The following ATP2B2 variants were observed in gnomAD, a reference collection of about 807,000 sequenced individuals.
ATP2B2 encodes plasma membrane calcium-transporting ATPase 2.
In ATP2B2, 15 loss-of-function variants were observed where a neutral mutation model predicts 120.0. The observed-to-expected ratio is 0.12, with a 90% CI of 0.08 to 0.19. ATP2B2 has a LOEUF of 0.19. Among genes scored for constraint, ATP2B2 ranks in the 10% least tolerant of loss-of-function variants. ATP2B2 has a pLI of 1.00. For missense variants in ATP2B2, 1,045 were observed against 1,719.8 expected, an observed-to-expected ratio of 0.61 and a Z score of 6.94; for synonymous variants, 694 against 700.3, an observed-to-expected ratio of 0.99 and a Z score of 0.14.
chr3:10,351,068 G>C (rs2060565785), intron 14 of ATP2B2, among the ~76,000 whole-genome samples: 2 of 152,220 alleles, frequency 1.3e-5, no homozygotes, highest in Non-Finnish European at 2.9e-5. Context: ...TTTACTTACA[G>C]AATGTGACAC....
chr3:10,532,104 T>A (rs995999091), intron 3 of ATP2B2, among the ~76,000 whole-genome samples: 1 of 151,610 alleles, frequency 6.6e-6, no homozygotes, highest in Non-Finnish European at 1.5e-5. Flanking sequence ...ATCGGACCAC[T>A]GGAAACCCCC....
chr3:10,504,528 G>A (rs1046586866), intron 1 of ATP2B2, among the ~76,000 whole-genome samples: 11 of 151,694 alleles, frequency 7.3e-5, no homozygotes, highest in Admixed American at 2.6e-4. Flanking sequence ...GACCCCCAGG[G>A]CCCTTGCCTG....
upstream of ATP2B2, among the ~76,000 whole-genome samples, chr3:10,508,392 T>G (rs2066690558): frequency 1.3e-5 from 2 of 152,170 alleles, no homozygotes; most frequent in African/African-American, 4.8e-5. Flanking sequence ...TGTATTGTGA[T>G]GGTCTACACG....
intron 1 of ATP2B2, among the ~76,000 whole-genome samples, chr3:10,462,927 T>TAAC (rs2064559151): frequency 1.3e-5 from 2 of 152,176 alleles, no homozygotes; most frequent in Non-Finnish European, 2.9e-5. Flanking sequence ...ACACCCAGTG[T>TAAC]TGGGTCCCAC....
chr3:10,361,296 G>A (rs1055618537), intron 12 of ATP2B2, among the ~76,000 whole-genome samples: 5 of 152,210 alleles, frequency 3.3e-5, no homozygotes, highest in Non-Finnish European at 5.9e-5. Context: ...GGGATTACAG[G>A]TGTAAGCCAC....
chr3:10,551,473 C>T (rs897399979), intron 2 of ATP2B2, among the ~76,000 whole-genome samples: 1 of 152,214 alleles, frequency 6.6e-6, no homozygotes, highest in Admixed American at 6.5e-5. Flanking sequence ...TGATGCAGTT[C>T]CTTCCTCTGT....
chr3:10,550,653 C>A (rs940152370), intron 2 of ATP2B2, among the ~76,000 whole-genome samples: 1 of 152,156 alleles, frequency 6.6e-6, no homozygotes, highest in Non-Finnish European at 1.5e-5. Flanking sequence ...TTCACGGGAA[C>A]CCTGTCAAGT....
chr3:10,648,445 C>T (rs36096514), intron 1 of ATP2B2, among the ~76,000 whole-genome samples: 46,668 of 152,182 alleles, frequency 0.31, 10,695 homozygotes, highest in African/African-American at 0.64. Flanking sequence ...CTAGGCTTCC[C>T]GCTGTTCCCT....
At chr3:10,600,125 G>A (rs1246388825) in intron 2 of ATP2B2, among the ~76,000 whole-genome samples, 1 of 152,126 alleles carries the variant, frequency 6.6e-6, no homozygotes, top group Non-Finnish European at 1.5e-5. Flanking sequence ...GGGGCCATGG[G>A]GGCCACACCC....
intron 1 of ATP2B2, among the ~76,000 whole-genome samples, chr3:10,657,172 C>T (rs1309284659): frequency 6.6e-6 from 1 of 152,212 alleles, no homozygotes; most frequent in East Asian, 1.9e-4. Context: ...CAGGTGGAAG[C>T]AGGGAAGCAG....
chr3:10,425,922 C>T (rs1054438093), intron 2 of ATP2B2, among the ~76,000 whole-genome samples: 2 of 152,174 alleles, frequency 1.3e-5, no homozygotes, highest in Non-Finnish European at 1.5e-5. Flanking sequence ...TCAGAATGCT[C>T]GAGTGGCTCC....
intron 1 of ATP2B2, among the ~76,000 whole-genome samples, chr3:10,467,363 G>A (rs1459057272): frequency 2.0e-5 from 3 of 152,140 alleles, no homozygotes; most frequent in African/African-American, 7.2e-5. Flanking sequence ...ATTCACCCTT[G>A]AGAGCCCCGC....
At chr3:10,487,082 C>T (rs2065710322) in intron 1 of ATP2B2, among the ~76,000 whole-genome samples, 1 of 152,136 alleles carries the variant, frequency 6.6e-6, no homozygotes, top group African/African-American at 2.4e-5. Flanking sequence ...TCTTGTTTAC[C>T]ACTATGTACC....
At position 10,668,884 on chromosome 3, in the gene ATP2B2, C is replaced by T. The variant is rs6773443; in HGVS notation, c.-460+39031G>A. On this transcript the variant is annotated intron_variant, in intron 1 of 21. Transcript: ENST00000646379. ...CATACAGTAGGCAGCACACAGTAGG[C>T]GCTCAGTGGATCATGCACAATCGTG... Among the ~76,000 whole-genome samples the T allele has an allele frequency of 8.2e-3, 1,247 of 152,296 alleles. 19 individuals carry two copies. The highest frequency in any genetic ancestry group is 0.027 in the African/African-American group (1,124 of 41,574).
At chr3:10,421,456 C>T (rs2062977829) in intron 2 of ATP2B2, among the ~76,000 whole-genome samples, 1 of 152,168 alleles carries the variant, frequency 6.6e-6, no homozygotes, top group South Asian at 2.1e-4. Context: ...AGACTTGAGT[C>T]CCCAGGTACA....
chr3:10,452,462 C>A (rs6784688), intron 1 of ATP2B2, among the ~76,000 whole-genome samples: 3 of 152,176 alleles, frequency 2.0e-5, no homozygotes, highest in African/African-American at 7.2e-5. Context: ...AGGGATGGGG[C>A]GGGAGCTTTT....
chr3:10,498,140 C>T (rs1575413772), intron 1 of ATP2B2, among the ~76,000 whole-genome samples: 3 of 152,182 alleles, frequency 2.0e-5, no homozygotes, highest in East Asian at 1.9e-4. Context: ...TCTTGGAATC[C>T]GCACAGTTCA....
chr3:10,553,196 T>C (rs2067706195), intron 2 of ATP2B2, among the ~76,000 whole-genome samples: 2 of 152,212 alleles, frequency 1.3e-5, no homozygotes, highest in South Asian at 4.1e-4. Context: ...ACAACACAAA[T>C]AAGTCTGAGA....
chr3:10,632,883 G>T (rs948184551), intron 1 of ATP2B2, among the ~76,000 whole-genome samples: 2 of 152,230 alleles, frequency 1.3e-5, no homozygotes, highest in South Asian at 4.1e-4. Flanking sequence ...TTCCCCTGGT[G>T]GCTGTCCTGC....
Sources: gnomAD v4.1 joint callset for allele counts (sites outside exome capture counted in the v4.1 genomes callset) on GRCh38, gnomAD v4.1.1 for gene constraint, MANE v1.5 for transcripts, NCBI Gene and HGNC (gene_info 2026-07-23, HGNC 2026-07-21) for gene names.